The following LHFPL3 variants were observed in gnomAD, a reference collection of about 807,000 sequenced individuals.
The protein encoded by LHFPL3 is LHFPL tetraspan subfamily member 3, also known as LHFPL tetraspan subfamily member 3 protein.
Under a neutral mutation model 19.3 loss-of-function variants are expected in LHFPL3, and 5 were observed. The observed-to-expected ratio is 0.26, with a 90% CI of 0.14 to 0.54. The LOEUF is 0.54. LHFPL3 is among the 20% of genes least tolerant of loss of function. The pLI is 0.94. For missense variants in LHFPL3, 249 were observed against 307.4 expected (o/e 0.81, Z 1.42); for synonymous variants, 133 against 126.2 (o/e 1.05, Z -0.36).
intron 1 of LHFPL3, among the ~76,000 whole-genome samples, chr7:104,735,405 C>A (rs920683798): frequency 6.6e-6 from 1 of 152,242 alleles, no homozygotes; most frequent in African/African-American, 2.4e-5. Flanking sequence ...CCTACTCAAG[C>A]CTTGGCAATG....
At chr7:104,381,246 T>C (rs1418063949) in intron 1 of LHFPL3, among the ~76,000 whole-genome samples, 1 of 152,174 alleles carries the variant, frequency 6.6e-6, no homozygotes, top group Non-Finnish European at 1.5e-5. Context: ...ACAGATCAAG[T>C]TGAGTAACAA....
At chr7:104,585,523 G>A (rs998909606) in intron 1 of LHFPL3, among the ~76,000 whole-genome samples, 9 of 40,680 alleles carry the variant, frequency 2.2e-4, no homozygotes, top group Non-Finnish European at 4.6e-4. Flanking sequence ...ACACACACAC[G>A]GCCTTGTCCC....
chr7:104,407,613 G>A (rs181829879), intron 1 of LHFPL3, among the ~76,000 whole-genome samples: 10 of 152,270 alleles, frequency 6.6e-5, no homozygotes, highest in South Asian at 2.1e-4. Context: ...CTGAGATTGC[G>A]CCATTGCACT....
intron 2 of LHFPL3, among the ~76,000 whole-genome samples, chr7:104,891,537 A>G (rs1446539750): frequency 6.6e-6 from 1 of 152,184 alleles, no homozygotes; most frequent in African/African-American, 2.4e-5. Flanking sequence ...TACTATTACA[A>G]TGGCAATTAG....
At chr7:104,872,712 G>C (rs527670793) in intron 2 of LHFPL3, among the ~76,000 whole-genome samples, 1 of 151,948 alleles carries the variant, frequency 6.6e-6, no homozygotes, top group South Asian at 2.1e-4. Context: ...CTCCACATCT[G>C]GTCCCACTGG....
chr7:104,563,290 G>A (rs62485159), intron 1 of LHFPL3, among the ~76,000 whole-genome samples: 247 of 151,842 alleles, frequency 1.6e-3, no homozygotes, highest in Middle Eastern at 6.8e-3. Flanking sequence ...CCTCGCTGCC[G>A]CCTTGCAGTT....
chr7:104,571,300 A>G (rs191160060), intron 1 of LHFPL3, among the ~76,000 whole-genome samples: 11 of 152,272 alleles, frequency 7.2e-5, no homozygotes, highest in African/African-American at 2.4e-4. Context: ...GAGACCGTAA[A>G]TGATTCCTTC....
chr7:104,877,043 A>G (rs1215941941), intron 2 of LHFPL3, among the ~76,000 whole-genome samples: 1 of 152,108 alleles, frequency 6.6e-6, no homozygotes, highest in Non-Finnish European at 1.5e-5. Flanking sequence ...ACCAAACACC[A>G]CATGTTCTCA....
intron 1 of LHFPL3, among the ~76,000 whole-genome samples, chr7:104,479,413 A>G (rs534115601): frequency 6.8e-6 from 1 of 147,802 alleles, no homozygotes; most frequent in South Asian, 2.1e-4. Context: ...TTTTTTTGAG[A>G]CAAAGTCTCA....
At chr7:104,563,386 G>A (rs1790054799) in intron 1 of LHFPL3, among the ~76,000 whole-genome samples, 1 of 152,308 alleles carries the variant, frequency 6.6e-6, no homozygotes, top group Non-Finnish European at 1.5e-5. Flanking sequence ...ATCTCGTGGT[G>A]CACCGTTTTT....
chr7:104,608,399 A>G (rs916024343), intron 1 of LHFPL3, among the ~76,000 whole-genome samples: 1 of 151,148 alleles, frequency 6.6e-6, no homozygotes, highest in African/African-American at 2.4e-5. Context: ...CACAAGGACA[A>G]AAAACCAAAC....
chr7:104,386,713 A>ATT (rs1790951131), intron 1 of LHFPL3, among the ~76,000 whole-genome samples: 1 of 152,208 alleles, frequency 6.6e-6, no homozygotes, highest in South Asian at 2.1e-4. Flanking sequence ...AGAATGGGAG[A>ATT]CTGTTGATTC....
chr7:104,702,458 G>A (rs1277658072), intron 1 of LHFPL3, among the ~76,000 whole-genome samples: 2 of 152,024 alleles, frequency 1.3e-5, no homozygotes, highest in Non-Finnish European at 2.9e-5. Flanking sequence ...GCAAAAATAA[G>A]CTCATGGTGA....
At chr7:104,343,011 T>TC (rs1789987094) in intron 1 of LHFPL3, among the ~76,000 whole-genome samples, 1 of 151,232 alleles carries the variant, frequency 6.6e-6, no homozygotes, top group African/African-American at 2.4e-5. Context: ...TTTTTTTTTT[T>TC]GCAAATTCTC....
intron 1 of LHFPL3, among the ~76,000 whole-genome samples, chr7:104,369,151 A>C (rs1448411441): frequency 2.0e-5 from 3 of 152,178 alleles, no homozygotes; most frequent in African/African-American, 7.2e-5. Context: ...TGATCACCAT[A>C]ATCCAGTTTT....
At chr7:104,854,538 G>A (rs1282127194) in intron 2 of LHFPL3, among the ~76,000 whole-genome samples, 1 of 151,902 alleles carries the variant, frequency 6.6e-6, no homozygotes, top group East Asian at 1.9e-4. Flanking sequence ...ATATGCACAG[G>A]GCAATATGAG....
intron 2 of LHFPL3, among the ~76,000 whole-genome samples, chr7:104,815,897 C>A (rs1264175043): frequency 1.3e-5 from 2 of 152,188 alleles, no homozygotes; most frequent in African/African-American, 4.8e-5. Context: ...GTCCCTCCCC[C>A]TTTCCCCTTT....
chr7:104,880,323 AC>A (rs1792022908), intron 2 of LHFPL3, among the ~76,000 whole-genome samples: 1 of 151,608 alleles, frequency 6.6e-6, no homozygotes, highest in African/African-American at 2.4e-5. Context: ...TTTACCTTCC[AC>A]CAAGATTGGA....
chr7:104,451,011 A>C (rs531388111), intron 1 of LHFPL3, among the ~76,000 whole-genome samples: 7 of 152,258 alleles, frequency 4.6e-5, no homozygotes, highest in African/African-American at 1.4e-4. Context: ...TCACCCTTTC[A>C]TACAGAGGAT....
Sources: gnomAD v4.1 joint callset for allele counts (sites outside exome capture counted in the v4.1 genomes callset) on GRCh38, gnomAD v4.1.1 for gene constraint, MANE v1.5 for transcripts, NCBI Gene and HGNC (gene_info 2026-07-23, HGNC 2026-07-21) for gene names.